The following SLC5A7 variants were observed in gnomAD, a reference collection of about 807,000 sequenced individuals.
SLC5A7 encodes the protein high affinity choline transporter 1.
A neutral mutation model predicts 55.4 loss-of-function variants in SLC5A7; 19 were observed. That is an observed-to-expected ratio of 0.34 (90% CI 0.24 to 0.50). SLC5A7 has a LOEUF of 0.50. SLC5A7 is among the 20% of genes least tolerant of loss of function. The probability of loss-of-function intolerance (pLI) is 0.98; values close to 1 mark genes in which losing one functional copy is unlikely to be tolerated. For synonymous variants in SLC5A7, 265 were observed against 263.7 expected, an observed-to-expected ratio of 1.00 and a Z score of -0.05; for missense variants, 506 against 705.3, an observed-to-expected ratio of 0.72 and a Z score of 3.20.
chr2:108,010,861 A>C lies in SLC5A7; in HGVS notation c.1743A>C (p.Ter581CysextTer33). ...CTGGGACTGAAGATAATTTACAGTG[A>C]CCCCATCTAAATAAAATACTGCTTT... ...EGSGTEDNLQ[*>C] Residue 581 changes from the stop codon to cysteine (C), a stop_lost, in exon 9 of 9, where the codon TGA becomes TGC. Coordinates refer to ENST00000264047, the MANE Select transcript of SLC5A7 (RefSeq NM_021815.5). 1 of 1,562,708 alleles carries C rather than the reference A, an allele frequency of 6.4e-7. No homozygotes were observed. The highest frequency in any genetic ancestry group is 8.6e-7 in the Non-Finnish European group (1 of 1,162,990).
intron 2 of SLC5A7, 86 bp downstream of exon 2, chr2:107,988,419 C>A: frequency 1.6e-6 from 2 of 1,240,742 alleles, no homozygotes; most frequent in Non-Finnish European, 2.2e-6. Flanking sequence ...AGTGACAAAG[C>A]AAATGTTGGT....
rs1429584658 is a variant in SLC5A7, at chr2:108,011,850, A to C, written c.*989A>C. On this transcript the variant is annotated 3_prime_UTR_variant, in exon 9 of 9. Transcript: ENST00000264047. ...GAATACTTTATGGGAAGCCTCCACA[A>C]CACCTCCTGATAGTAGTAAAATTAG... 4 of 152,238 alleles carry C rather than the reference A, an allele frequency of 2.6e-5. No individual in the cohort carries two copies. The highest frequency in any genetic ancestry group is 5.9e-5 in the Non-Finnish European group (4 of 68,004). The allele number at this position is 152,238 out of a possible 1,614,324, so 9.4% of individuals were successfully genotyped here.
At chr2:107,992,255 T>A in intron 3 of SLC5A7, 36 bp downstream of exon 3, 2 of 1,226,776 alleles carry the variant, frequency 1.6e-6, no homozygotes, top group Non-Finnish European at 2.4e-6. Context: ...ACTCACTCAG[T>A]AAAGTATACA....
Position 108,006,033 on chromosome 2 carries a change from TG to T in SLC5A7, c.742-15del, listed in dbSNP as rs1474467097. The T allele has an allele frequency of 6.2e-7, 1 of 1,613,820 alleles. No individual in the cohort carries two copies. The highest frequency in any genetic ancestry group is 2.2e-5 in the East Asian group (1 of 44,876). ...GAATAGATGTTTGCCTCTCCATCCT[TG>T]TGTTTCCCGCACAGATGCTGGGTGG... On this transcript the variant is annotated splice_polypyrimidine_tract_variant and intron_variant, in intron 6 of 8. Transcript: ENST00000264047.
At chr2:108,006,254 C>A (rs770609787) in intron 7 of SLC5A7, 52 bp downstream of exon 7, 1 of 1,601,454 alleles carries the variant, frequency 6.2e-7, no homozygotes. Flanking sequence ...CCAATCCCCA[C>A]CCAGACACCC....
chr2:108,000,343 C>T (rs1216961954), intron 5 of SLC5A7, among the ~76,000 whole-genome samples: 1 of 152,000 alleles, frequency 6.6e-6, no homozygotes, highest in Non-Finnish European at 1.5e-5. Context: ...ATATCTTTCC[C>T]TTAAGGAATG....
At chr2:107,995,468 AGAGT>A (rs1381900057) in intron 4 of SLC5A7, among the ~76,000 whole-genome samples, 1,848 of 125,360 alleles carry the variant, frequency 0.015, 14 homozygotes, top group Non-Finnish European at 0.017. Flanking sequence ...AGAGAGAGAG[AGAGT>A]GTGTGTGTGT....
chr2:107,998,090 G>C, intron 5 of SLC5A7, 104 bp downstream of exon 5: 1 of 1,144,936 alleles, frequency 8.7e-7, no homozygotes, highest in Non-Finnish European at 1.2e-6. Context: ...TCCCTCATGA[G>C]TAATACATAC....
chr2:107,991,981 AC>A, intron 2 of SLC5A7, 124 bp from the exon 3 acceptor site: 2 of 480,282 alleles, frequency 4.2e-6, no homozygotes, highest in Non-Finnish European at 7.7e-6. Flanking sequence ...TATTCCTAAA[AC>A]AACTCAATCT....
chr2:108,006,633 A>G (rs1313238696), intron 7 of SLC5A7, among the ~76,000 whole-genome samples: 1 of 152,128 alleles, frequency 6.6e-6, no homozygotes, highest in Admixed American at 6.6e-5. Context: ...GTGGATCTCA[A>G]CCAAGGTGCA....
Position 108,001,878 on chromosome 2 carries a change from G to C in SLC5A7, c.598-19G>C. 3 of 1,613,584 alleles carry C rather than the reference G, an allele frequency of 1.9e-6. No homozygotes were observed. Among genetic ancestry groups the C allele is most frequent in the Non-Finnish European group, 2.5e-6 (3 of 1,179,580 alleles). On this transcript the variant is annotated intron_variant, in intron 5 of 8. Transcript: ENST00000264047. ...TTGAAAACCATCGCCTAGGGCTCCA[G>C]TGTCACTTTCTGTTGCAGTGGATCA...
At position 107,993,084 on chromosome 2, in the gene SLC5A7, G is replaced by A; in HGVS notation, c.405G>A (p.Leu135=). ...RMGGLLFIPA[L]MGEMFWAAAI... ...GCGGACTCCTGTTTATTCCTGCACTGATGGGAGAAATGTTCTGGGCTGCAG... is the reference window on the plus strand; with the variant it reads ...GCGGACTCCTGTTTATTCCTGCACTAATGGGAGAAATGTTCTGGGCTGCAG... The change falls in exon 4 of 9, where the codon CTG becomes CTA. Residue 135 remains leucine (L), a synonymous_variant. Coordinates refer to ENST00000264047, the MANE Select transcript of SLC5A7 (RefSeq NM_021815.5). 1 of 1,614,224 alleles carries A rather than the reference G, an allele frequency of 6.2e-7. No individual in the cohort carries two copies. The highest frequency in any genetic ancestry group is 1.6e-4 in the Middle Eastern group (1 of 6,062).
At chr2:107,999,670 G>C (rs1225126784) in intron 5 of SLC5A7, among the ~76,000 whole-genome samples, 1 of 152,034 alleles carries the variant, frequency 6.6e-6, no homozygotes, top group African/African-American at 2.4e-5. Flanking sequence ...TTACCCCTTA[G>C]ACCACCTTCT....
At chr2:107,999,551 GA>G (rs1299484400) in intron 5 of SLC5A7, among the ~76,000 whole-genome samples, 4 of 152,174 alleles carry the variant, frequency 2.6e-5, no homozygotes, top group Non-Finnish European at 5.9e-5. Flanking sequence ...ATAAGGAATG[GA>G]GTTCTGTTGG....
chr2:108,002,175 G>C, intron 6 of SLC5A7, 135 bp downstream of exon 6: 1 of 1,067,532 alleles, frequency 9.4e-7, no homozygotes, highest in Non-Finnish European at 1.3e-6. Flanking sequence ...ACTCTCTATC[G>C]GGAGGGTGGA....
intron 3 of SLC5A7, 99 bp downstream of exon 3, chr2:107,992,318 C>T: frequency 1.6e-6 from 1 of 641,914 alleles, no homozygotes; most frequent in East Asian, 3.1e-5. Flanking sequence ...TCTGAATAAC[C>T]ATTGTAAAAA....
At chr2:107,992,298 A>T (rs1677481452) in intron 3 of SLC5A7, 79 bp downstream of exon 3, 2 of 786,792 alleles carry the variant, frequency 2.5e-6, no homozygotes, top group Non-Finnish European at 4.1e-6. Flanking sequence ...TGGAATAACA[A>T]GTCAAACACT....
At chr2:107,989,457 C>T (rs1677366092) in intron 2 of SLC5A7, among the ~76,000 whole-genome samples, 1 of 152,174 alleles carries the variant, frequency 6.6e-6, no homozygotes, top group South Asian at 2.1e-4. Flanking sequence ...TTTTATCTTT[C>T]AGACATTGAC....
Position 107,997,801 on chromosome 2 carries a change from G to A in SLC5A7, c.449-37G>A, listed in dbSNP as rs778569614. The A allele has an allele frequency of 6.4e-6, 10 of 1,565,870 alleles. No homozygotes were observed. In the East Asian group the frequency reaches 2.1e-4, roughly 32 times the overall value. ...CTTATACAAAGAGCAGAATCTGTCT[G>A]GGCACCTTGACCACAGAACTCTCTT... On this transcript the variant is annotated intron_variant, in intron 4 of 8. Transcript: ENST00000264047.
Sources: gnomAD v4.1 joint callset for allele counts (sites outside exome capture counted in the v4.1 genomes callset) on GRCh38, gnomAD v4.1.1 for gene constraint, MANE v1.5 for transcripts, NCBI Gene and HGNC (gene_info 2026-07-23, HGNC 2026-07-21) for gene names.